The following NEK1 variants were observed in gnomAD, a reference collection of about 807,000 sequenced individuals.
NEK1 encodes NIMA related kinase 1.
In NEK1, 137 loss-of-function variants were observed where a neutral mutation model predicts 182.1. The observed-to-expected ratio is 0.75, with a 90% confidence interval of 0.65 to 0.87. NEK1 has a LOEUF of 0.87. Among genes scored for constraint, NEK1 ranks in the 40% least tolerant of loss-of-function variants. The pLI is 0.00. For missense variants in NEK1, 1,391 were observed against 1,494.4 expected, an observed-to-expected ratio of 0.93 and a Z score of 1.14; for synonymous variants, 513 against 492.2, an observed-to-expected ratio of 1.04 and a Z score of -0.56.
In NEK1 at chr4:169,526,397, G is replaced by A. The variant is rs905377060; in HGVS notation, c.1665+11412C>T. 3.7e-4 allele frequency among the ~76,000 whole-genome samples: 56 copies of A among 152,284 alleles called. 1 individual carries two copies. Among genetic ancestry groups the A allele is most frequent in the African/African-American group, 1.3e-3 (54 of 41,548 alleles). Reference sequence around the variant, plus strand: ...CCAGCTACTCAGGAGGCTGAGGTGGGAGGATCACTTGAGCCTAAAAGTGTG... The same window carrying A: ...CCAGCTACTCAGGAGGCTGAGGTGGAAGGATCACTTGAGCCTAAAAGTGTG... On this transcript the variant is annotated intron_variant, in intron 19 of 35. Transcript: ENST00000507142.
intron 27 of NEK1, among the ~76,000 whole-genome samples, chr4:169,460,810 GA>G (rs1003795180): frequency 1.3e-5 from 2 of 151,630 alleles, no homozygotes; most frequent in Non-Finnish European, 2.9e-5. Context: ...GACAGTCAAG[GA>G]AAAAAAAGTA....
intron 27 of NEK1, among the ~76,000 whole-genome samples, chr4:169,451,088 A>G (rs1741650835): frequency 6.6e-6 from 1 of 152,228 alleles, no homozygotes; most frequent in Admixed American, 6.5e-5. Flanking sequence ...AGAGCTAACT[A>G]TCTTAAATAT....
At chr4:169,432,600 TAAAC>T (rs1255687510) in intron 29 of NEK1, among the ~76,000 whole-genome samples, 2 of 152,024 alleles carry the variant, frequency 1.3e-5, no homozygotes, top group African/African-American at 2.4e-5. Context: ...TGACCAAAAA[TAAAC>T]AAGGTGGAAA....
chr4:169,587,577 C>A lies in NEK1; in HGVS notation c.588G>T (p.Leu196=). Reference sequence around the variant, plus strand: ...TACTTACAGCATGTTTAAGTGTACACAGCTCATAAAGGACACACCCCAGAG... The same window carrying A: ...TACTTACAGCATGTTTAAGTGTACAAAGCTCATAAAGGACACACCCCAGAG... ...IWALGCVLYE[L]CTLKHAFEAG... is the part of the protein sequence containing the mutation. Residue 196 remains leucine (L), a synonymous_variant, in exon 9 of 36, where the codon CTG becomes CTT. Transcript: ENST00000507142. 6.5e-7 allele frequency: 1 copy of A among 1,545,676 alleles called. No individual in the cohort carries two copies. The highest frequency in any genetic ancestry group is 2.4e-5 in the East Asian group (1 of 42,026).
chr4:169,407,203 T>C (rs1379059976), intron 31 of NEK1, among the ~76,000 whole-genome samples: 10 of 152,212 alleles, frequency 6.6e-5, no homozygotes, highest in Non-Finnish European at 1.0e-4. Context: ...GTGTTTCTGC[T>C]AAGTGTTCCT....
intron 18 of NEK1, among the ~76,000 whole-genome samples, chr4:169,545,487 T>C (rs1760265623): frequency 6.7e-6 from 1 of 149,978 alleles, no homozygotes; most frequent in South Asian, 2.1e-4. Flanking sequence ...TCTTTGCTAT[T>C]GTGAATAATG....
In NEK1 at chr4:169,496,012, A is replaced by T. The variant is rs192610020; in HGVS notation, c.2007+11025T>A. Among the ~76,000 whole-genome samples, 599 of 152,302 alleles carry T rather than the reference A, an allele frequency of 3.9e-3. 5 individuals are homozygous for T. The highest frequency in any genetic ancestry group is 0.03 in the South Asian group (144 of 4,832). ...CTTGGGAAGTAGGGCCATTTTCACG[A>T]TACTGATTCTTCCCACCCATGAGCA... On this transcript the variant is annotated intron_variant, in intron 23 of 35. Coordinates refer to ENST00000507142, the MANE Select transcript of NEK1 (RefSeq NM_001199397.3).
intron 27 of NEK1, among the ~76,000 whole-genome samples, chr4:169,441,694 C>T (rs906484269): frequency 1.3e-5 from 2 of 152,220 alleles, no homozygotes; most frequent in African/African-American, 4.8e-5. Flanking sequence ...ATGCCTATTG[C>T]TGCTAGTGCC....
At chr4:169,581,039 T>TAAAAAAAAAAAAA (rs34236215) in intron 10 of NEK1, 137 bp from the exon 11 acceptor site, 1 of 128,950 alleles carries the variant, frequency 7.8e-6, no homozygotes, top group Non-Finnish European at 1.5e-5. Context: ...ACCAAGTTGT[T>TAAAAAAAAAAAAA]AAAAAAAAAA....
At chr4:169,418,819 A>G (rs1355530119) in intron 31 of NEK1, among the ~76,000 whole-genome samples, 1 of 152,160 alleles carries the variant, frequency 6.6e-6, no homozygotes, top group Admixed American at 6.6e-5. Context: ...GAGAGAAAAA[A>G]TATTTAATTG....
intron 23 of NEK1, among the ~76,000 whole-genome samples, chr4:169,501,178 A>T (rs1460303901): frequency 6.6e-6 from 1 of 152,226 alleles, no homozygotes; most frequent in African/African-American, 2.4e-5. Context: ...TAATGATAAA[A>T]GGTTCAATTA....
chr4:169,406,309 T>C (rs1172754420), intron 32 of NEK1, among the ~76,000 whole-genome samples: 1 of 151,854 alleles, frequency 6.6e-6, no homozygotes, highest in Non-Finnish European at 1.5e-5. Context: ...CAGAGGTTAA[T>C]GATTAAAAAA....
At chr4:169,506,446 A>G (rs561842914) in intron 23 of NEK1, among the ~76,000 whole-genome samples, 1 of 152,230 alleles carries the variant, frequency 6.6e-6, no homozygotes, top group Admixed American at 6.5e-5. Context: ...TGGTAATAGT[A>G]AATTAAAAAT....
rs1182588835 is a variant in NEK1 at position 169,589,460 on chromosome 4, T to C, written c.451A>G (p.Arg151Gly). Reference protein sequence around the residue: ...TVQLGDFGIARVLNSTVELAR... With the variant: ...TVQLGDFGIAGVLNSTVELAR... Reference sequence around the variant, plus strand: ...AATTCATGTTACCTATTAAGAACTCTAGCAATTCCAAAATCTCCAAGTTGT... The same window carrying C: ...AATTCATGTTACCTATTAAGAACTCCAGCAATTCCAAAATCTCCAAGTTGT... Residue 151 changes from arginine to glycine, a missense_variant, in exon 7 of 36, where the codon AGA (arginine) becomes GGA (glycine). Transcript: ENST00000507142. 4 of 1,510,688 alleles carry C rather than the reference T, an allele frequency of 2.6e-6. No homozygotes were observed. The highest frequency in any genetic ancestry group is 2.7e-6 in the Non-Finnish European group (3 of 1,115,686). 93.6% of individuals were successfully genotyped at this position (1,510,688 alleles called of 1,614,324 possible). A position where few individuals can be genotyped will look rare whatever the true frequency, so the allele number is the denominator to read the frequency against.
chr4:169,403,664 AATC>A (rs1434843595), intron 32 of NEK1, among the ~76,000 whole-genome samples: 1 of 152,178 alleles, frequency 6.6e-6, no homozygotes, highest in Non-Finnish European at 1.5e-5. Context: ...CTGTTCATAA[AATC>A]ATCTAGTGGC....
At chr4:169,437,535 G>T (rs1470181480) in intron 28 of NEK1, among the ~76,000 whole-genome samples, 1 of 152,158 alleles carries the variant, frequency 6.6e-6, no homozygotes, top group Non-Finnish European at 1.5e-5. Flanking sequence ...TTGACTAATA[G>T]AATACGGCAG....
At chr4:169,487,992 C>T (rs1248772627) in intron 23 of NEK1, among the ~76,000 whole-genome samples, 1 of 151,374 alleles carries the variant, frequency 6.6e-6, no homozygotes, top group Non-Finnish European at 1.5e-5. Context: ...TGTCCTTTGC[C>T]CATTTTTTAA....
At position 169,548,879 on chromosome 4, in the gene NEK1, A is replaced by G. The variant is rs145024272; in HGVS notation, c.1562+6841T>C. Among the ~76,000 whole-genome samples the G allele has an allele frequency of 2.7e-3, 412 of 152,350 alleles. 1 individual carries two copies. Among genetic ancestry groups the G allele is most frequent in the South Asian group, 5.6e-3 (27 of 4,834 alleles). ...TGCTGTGCCGGCATCCAGAATTTCA[A>G]GCCAGTGGATCTGAGCTTGCTGGGC... On this transcript the variant is annotated intron_variant, in intron 18 of 35. Coordinates refer to ENST00000507142, the MANE Select transcript of NEK1 (RefSeq NM_001199397.3).
intron 18 of NEK1, among the ~76,000 whole-genome samples, chr4:169,553,500 T>C (rs1322989972): frequency 6.6e-6 from 1 of 152,036 alleles, no homozygotes; most frequent in Admixed American, 6.6e-5. Flanking sequence ...AAAGAAACAA[T>C]TGATATGCTG....
Sources: gnomAD v4.1 joint callset for allele counts (sites outside exome capture counted in the v4.1 genomes callset) on GRCh38, gnomAD v4.1.1 for gene constraint, MANE v1.5 for transcripts, NCBI Gene and HGNC (gene_info 2026-07-23, HGNC 2026-07-21) for gene names.